MGAT5: variants seen among roughly 807,000 people sequenced by gnomAD.
MGAT5 encodes the protein alpha-1,6-mannosylglycoprotein 6-beta-N-acetylglucosaminyltransferase A.
MGAT5 carries 30 observed loss-of-function variants against 94.3 expected under a neutral mutation model. The observed-to-expected ratio is 0.32, with a 90% confidence interval of 0.24 to 0.43. MGAT5 has a LOEUF of 0.43. Among genes scored for constraint, MGAT5 ranks in the 20% least tolerant of loss-of-function variants. MGAT5 has a pLI of 1.00. For missense variants in MGAT5, 691 were observed against 905.5 expected (o/e 0.76, Z 3.04); for synonymous variants, 310 against 322.9 (o/e 0.96, Z 0.43).
chr2:134,189,610 T>TTTTTTTTTTTTGTTG (rs1689262225), intron 1 of MGAT5, among the ~76,000 whole-genome samples: 3 of 135,584 alleles, frequency 2.2e-5, no homozygotes, highest in Non-Finnish European at 3.2e-5. Context: ...TTGTTTTTTT[T>TTTTTTTTTTTTGTTG]TTTTTTTTTT....
At chr2:134,386,429 C>A (rs962706574) in intron 10 of MGAT5, among the ~76,000 whole-genome samples, 4 of 152,170 alleles carry the variant, frequency 2.6e-5, no homozygotes, top group East Asian at 1.9e-4. Flanking sequence ...ATAAAAAAAT[C>A]TCTTAAAGAA....
At chr2:134,282,567 C>T (rs764350905) in intron 2 of MGAT5, among the ~76,000 whole-genome samples, 1 of 152,208 alleles carries the variant, frequency 6.6e-6, no homozygotes, top group African/African-American at 2.4e-5. Flanking sequence ...CGATTTGTTT[C>T]TTTACTAACA....
At chr2:134,417,720 A>G (rs569329951) in intron 12 of MGAT5, among the ~76,000 whole-genome samples, 2 of 152,222 alleles carry the variant, frequency 1.3e-5, no homozygotes, top group South Asian at 2.1e-4. Flanking sequence ...TCTCTGTGGT[A>G]GGGGTAGTAC....
chr2:134,236,303 G>T (rs970944719), intron 1 of MGAT5, among the ~76,000 whole-genome samples: 1 of 152,114 alleles, frequency 6.6e-6, no homozygotes, highest in African/African-American at 2.4e-5. Flanking sequence ...TAGTTGGAGA[G>T]ATATGAAGGG....
At chr2:134,415,146 CT>C (rs1449584121) in intron 12 of MGAT5, among the ~76,000 whole-genome samples, 1 of 152,144 alleles carries the variant, frequency 6.6e-6, no homozygotes, top group Non-Finnish European at 1.5e-5. Flanking sequence ...AGTGGGATTG[CT>C]GGATTATGTG....
chr2:134,252,054 A>C (rs2105499314), upstream of MGAT5, among the ~76,000 whole-genome samples: 1 of 152,322 alleles, frequency 6.6e-6, no homozygotes, highest in Non-Finnish European at 1.5e-5. Flanking sequence ...TTGCTGCAAA[A>C]GACAGGATTT....
chr2:134,191,461 C>T (rs112451401), intron 1 of MGAT5, among the ~76,000 whole-genome samples: 56 of 152,264 alleles, frequency 3.7e-4, no homozygotes, highest in African/African-American at 1.2e-3. Context: ...TCCCCCTACC[C>T]CCCCCACCAG....
intron 7 of MGAT5, among the ~76,000 whole-genome samples, chr2:134,344,192 C>A (rs1688793631): frequency 6.6e-6 from 1 of 152,136 alleles, no homozygotes; most frequent in African/African-American, 2.4e-5. Context: ...ATGAAGTTGG[C>A]CTACCAATCA....
At chr2:134,405,958 T>C (rs1234975701) in intron 11 of MGAT5, among the ~76,000 whole-genome samples, 3 of 152,250 alleles carry the variant, frequency 2.0e-5, no homozygotes, top group Non-Finnish European at 4.4e-5. Flanking sequence ...TGTTGGAATC[T>C]AGCAGATCCT....
intron 11 of MGAT5, among the ~76,000 whole-genome samples, chr2:134,411,487 A>C (rs773595317): frequency 1.3e-5 from 2 of 152,218 alleles, no homozygotes; most frequent in Admixed American, 1.3e-4. Context: ...TCTTTCAAAA[A>C]ACCAAAAAGA....
At chr2:134,274,609 C>A (rs572408811) in intron 2 of MGAT5, among the ~76,000 whole-genome samples, 1 of 152,268 alleles carries the variant, frequency 6.6e-6, no homozygotes, top group Admixed American at 6.5e-5. Flanking sequence ...TTTATACTCT[C>A]AATAAAGAGT....
intron 14 of MGAT5, among the ~76,000 whole-genome samples, chr2:134,429,018 A>G (rs1207063225): frequency 1.3e-5 from 2 of 152,214 alleles, no homozygotes; most frequent in African/African-American, 4.8e-5. Flanking sequence ...GCCTGTTGCT[A>G]TCATTTTATA....
chr2:134,302,277 C>T (rs184394471), intron 2 of MGAT5, among the ~76,000 whole-genome samples: 14 of 152,200 alleles, frequency 9.2e-5, no homozygotes, highest in African/African-American at 1.4e-4. Flanking sequence ...TTTCTTATCA[C>T]GGTATAGTTA....
At chr2:134,413,623 A>C (rs1683795580) in intron 12 of MGAT5, among the ~76,000 whole-genome samples, 1 of 152,230 alleles carries the variant, frequency 6.6e-6, no homozygotes, top group Non-Finnish European at 1.5e-5. Context: ...GCAATAAACA[A>C]AAGTCTTTTA....
chr2:134,232,074 C>T (rs1239091855), intron 1 of MGAT5, among the ~76,000 whole-genome samples: 4 of 123,634 alleles, frequency 3.2e-5, no homozygotes, highest in Admixed American at 8.3e-5. Flanking sequence ...GCCTAGTGGT[C>T]ATTCTATACT....
intron 14 of MGAT5, among the ~76,000 whole-genome samples, chr2:134,434,660 T>C (rs1359682188): frequency 1.3e-5 from 2 of 152,036 alleles, no homozygotes; most frequent in Non-Finnish European, 2.9e-5. Flanking sequence ...ATGTTAGAGG[T>C]AAGCTGCTAA....
At chr2:134,245,379 G>T (rs72976117) in intron 1 of MGAT5, among the ~76,000 whole-genome samples, 4,914 of 152,208 alleles carry the variant, frequency 0.032, 280 homozygotes, top group African/African-American at 0.11. Context: ...TGTGAATATC[G>T]TATGGGCCTA....
chr2:134,318,734 A>G lies in MGAT5; in HGVS notation c.568A>G (p.Ser190Gly). ...GSTCSFFIYL[S>G]EVENWCPHLP... Reference sequence around the variant, plus strand: ...CACCTGCTCTTTTTTTATTTACCTCAGTGAGGTGAGTAGCTTTCTGTGGCT... The same window carrying G: ...CACCTGCTCTTTTTTTATTTACCTCGGTGAGGTGAGTAGCTTTCTGTGGCT... Residue 190 changes from serine (S) to glycine (G), a missense_variant, in exon 4 of 16, where the codon AGT (serine) becomes GGT (glycine). By Grantham distance (56) the Ser-to-Gly change is moderately conservative (BLOSUM62 0). Coordinates refer to ENST00000281923, the MANE Select transcript of MGAT5 (RefSeq NM_002410.5). 1 of 1,610,486 alleles carries G rather than the reference A, an allele frequency of 6.2e-7. No individual in the cohort carries two copies. Among genetic ancestry groups the G allele is most frequent in the Non-Finnish European group, 8.5e-7 (1 of 1,176,936 alleles).
At chr2:134,438,510 G>A (rs934676902) in intron 14 of MGAT5, among the ~76,000 whole-genome samples, 2 of 152,156 alleles carry the variant, frequency 1.3e-5, no homozygotes, top group Admixed American at 6.6e-5. Context: ...TGTCCCAATG[G>A]GATGGGCAGA....
Sources: gnomAD v4.1 joint callset for allele counts (sites outside exome capture counted in the v4.1 genomes callset) on GRCh38, gnomAD v4.1.1 for gene constraint, MANE v1.5 for transcripts, NCBI Gene and HGNC (gene_info 2026-07-23, HGNC 2026-07-21) for gene names.